The following ATP8A2 variants were observed in gnomAD, a reference collection of about 807,000 sequenced individuals.
ATP8A2 encodes ATPase phospholipid transporting 8A2, also known as phospholipid-transporting ATPase IB.
A neutral mutation model predicts 165.6 loss-of-function variants in ATP8A2; 100 were observed. The ratio of observed to expected loss-of-function variants is 0.60; its 90% CI spans 0.51 to 0.71. ATP8A2 has a LOEUF of 0.71. Among genes scored for constraint, ATP8A2 ranks in the 30% least tolerant of loss-of-function variants. The pLI, the probability that ATP8A2 is intolerant of heterozygous loss-of-function variation, is 0.00. For synonymous variants in ATP8A2, 543 were observed against 548.8 expected, an observed-to-expected ratio of 0.99 and a Z score of 0.15; for missense variants, 1,227 against 1,479.5, an observed-to-expected ratio of 0.83 and a Z score of 2.80.
At chr13:25,413,159 T>C (rs1593273002) in intron 1 of ATP8A2, among the ~76,000 whole-genome samples, 1 of 152,130 alleles carries the variant, frequency 6.6e-6, no homozygotes, top group Non-Finnish European at 1.5e-5. Context: ...AAAACAAAAA[T>C]CTAGCTTTGT....
intron 1 of ATP8A2, among the ~76,000 whole-genome samples, chr13:25,421,818 C>T (rs2034308304): frequency 6.6e-6 from 1 of 152,202 alleles, no homozygotes; most frequent in Non-Finnish European, 1.5e-5. Context: ...GATGAAGCAA[C>T]CGTGTGTATG....
At chr13:25,469,778 A>G (rs1187015121) in intron 2 of ATP8A2, among the ~76,000 whole-genome samples, 4 of 152,252 alleles carry the variant, frequency 2.6e-5, no homozygotes, top group Admixed American at 1.3e-4. Context: ...ACCTATAGTC[A>G]TACAGCTCCT....
chr13:25,742,996 C>T (rs1028701481), intron 25 of ATP8A2, among the ~76,000 whole-genome samples: 3 of 152,010 alleles, frequency 2.0e-5, no homozygotes, highest in Non-Finnish European at 4.4e-5. Context: ...TGTATTGTGT[C>T]CACCCAAAAT....
intron 24 of ATP8A2, among the ~76,000 whole-genome samples, chr13:25,608,131 G>A (rs1336884539): frequency 6.6e-6 from 1 of 152,138 alleles, no homozygotes; most frequent in African/African-American, 2.4e-5. Context: ...ATGGTTCTGG[G>A]ACTATACAAG....
At chr13:25,603,081 A>G (rs932218444) in intron 24 of ATP8A2, among the ~76,000 whole-genome samples, 2 of 152,146 alleles carry the variant, frequency 1.3e-5, no homozygotes, top group Non-Finnish European at 2.9e-5. Context: ...CTAAATAAAT[A>G]AATAAGTAAA....
chr13:25,699,300 G>A lies in ATP8A2; in HGVS notation c.2339G>A (p.Ser780Asn). ...KYALSFEVRR[S>N]FLDLALSCKA... ...GCGCTCTCCTTCGAAGTCCGGAGGA[G>A]TTTCCTGGATTTGGCACTCTCGTGC... is the stretch of plus-strand genomic sequence containing the variant. Residue 780 changes from serine to asparagine, a missense_variant, in exon 25 of 37, where the codon AGT becomes AAT. Transcript: ENST00000381655. The A allele has an allele frequency of 6.2e-7, 1 of 1,613,692 alleles. No homozygotes were observed. The highest frequency in any genetic ancestry group is 8.5e-7 in the Non-Finnish European group (1 of 1,179,794).
At chr13:25,510,850 A>G (rs535324059) in intron 2 of ATP8A2, among the ~76,000 whole-genome samples, 14 of 152,326 alleles carry the variant, frequency 9.2e-5, no homozygotes, top group Middle Eastern at 3.4e-3. Flanking sequence ...TTATATCTGG[A>G]TACTACTTTT....
intron 33 of ATP8A2, among the ~76,000 whole-genome samples, chr13:25,959,287 T>A (rs573306064): frequency 1.8e-4 from 27 of 152,206 alleles, no homozygotes; most frequent in African/African-American, 6.0e-4. Flanking sequence ...CAAAGAGATA[T>A]GACAATACAA....
chr13:25,901,864 T>C (rs923880798), intron 33 of ATP8A2, among the ~76,000 whole-genome samples: 2 of 152,252 alleles, frequency 1.3e-5, no homozygotes, highest in African/African-American at 4.8e-5. Context: ...AGATCCTCAC[T>C]GCATGCCCAA....
intron 25 of ATP8A2, among the ~76,000 whole-genome samples, chr13:25,731,354 AAAGAGAGAG>A (rs2043636853): frequency 6.6e-6 from 1 of 151,272 alleles, no homozygotes; most frequent in Non-Finnish European, 1.5e-5. Context: ...AGAAAGAAGG[AAAGAGAGAG>A]AGGAAGGAAG....
intron 1 of ATP8A2, among the ~76,000 whole-genome samples, chr13:25,464,378 C>T (rs1205154247): frequency 6.6e-6 from 1 of 151,008 alleles, no homozygotes; most frequent in Admixed American, 6.6e-5. Context: ...ACCCAAACCC[C>T]CTAATGCAGC....
At chr13:25,920,528 G>A (rs1006273334) in intron 33 of ATP8A2, among the ~76,000 whole-genome samples, 36 of 152,234 alleles carry the variant, frequency 2.4e-4, no homozygotes, top group African/African-American at 7.5e-4. Context: ...AGCTCACAGA[G>A]CCAAAAGCCG....
chr13:25,629,143 T>C (rs953437395), intron 24 of ATP8A2, among the ~76,000 whole-genome samples: 2 of 152,152 alleles, frequency 1.3e-5, no homozygotes. Context: ...AAACCAGCAT[T>C]GTACCCTGCT....
chr13:25,952,678 C>G (rs1357854493), intron 33 of ATP8A2, among the ~76,000 whole-genome samples: 4 of 152,116 alleles, frequency 2.6e-5, no homozygotes, highest in Non-Finnish European at 5.9e-5. Context: ...AGCCAGTTTT[C>G]TTTTCTGTTG....
At chr13:25,904,517 C>G (rs59251565) in intron 33 of ATP8A2, among the ~76,000 whole-genome samples, 6 of 152,202 alleles carry the variant, frequency 3.9e-5, no homozygotes, top group African/African-American at 1.4e-4. Flanking sequence ...TCCTGCCTGC[C>G]GGAAGCGCTG....
At chr13:25,893,639 A>G (rs1378938414) in intron 33 of ATP8A2, among the ~76,000 whole-genome samples, 2 of 152,136 alleles carry the variant, frequency 1.3e-5, no homozygotes, top group African/African-American at 2.4e-5. Context: ...AACTTCCACA[A>G]TGGTTGAACT....
chr13:25,476,621 C>T lies in ATP8A2; in HGVS notation c.221+7500C>T, dbSNP rs566031316. ...TAACTTTTTTGGTTTATGTAAAGAT[C>T]ATTATCTTAAAAACCAAGGTTATGT... is the stretch of plus-strand genomic sequence containing the variant. On this transcript the variant is annotated intron_variant, in intron 2 of 36. Coordinates refer to ENST00000381655, the MANE Select transcript of ATP8A2 (RefSeq NM_016529.6). Among the ~76,000 whole-genome samples, 49 of 152,272 alleles carry T rather than the reference C, an allele frequency of 3.2e-4. 1 individual carries two copies. The South Asian group carries it at 1.0e-2, about 31-fold the overall frequency.
chr13:25,826,742 A>G (rs1423212309), intron 27 of ATP8A2, among the ~76,000 whole-genome samples: 2 of 152,196 alleles, frequency 1.3e-5, no homozygotes, highest in Non-Finnish European at 2.9e-5. Flanking sequence ...AGACTCTCAT[A>G]TCTCATATAA....
rs1174243477 is a variant in ATP8A2, at chr13:25,465,663, TTTTCTTTCTTTCTTTCTTTC to T, written c.77-3257_77-3238del. Among the ~76,000 whole-genome samples, 307 of 86,444 alleles carry T rather than the reference TTTTCTTTCTTTCTTTCTTTC, an allele frequency of 3.6e-3. 7 individuals are homozygous for T. Among genetic ancestry groups the T allele is most frequent in the African/African-American group, 0.013 (285 of 21,556 alleles). The allele number at this position is 86,444 out of a possible 152,430, so 56.7% of individuals were successfully genotyped here. ...TCACCTCCCCAGAAATCTTGCAGAG[TTTTCTTTCTTTCTTTCTTTC>T]TTTCTTTCTTTCTTTCTTTCTTTCT... is the stretch of plus-strand genomic sequence containing the variant. On this transcript the variant is annotated intron_variant, in intron 1 of 36. Transcript: ENST00000381655.
Sources: allele counts gnomAD v4.1 joint callset (sites outside exome capture counted in the v4.1 genomes callset), GRCh38; gene constraint gnomAD v4.1.1; transcripts MANE v1.5; gene names NCBI Gene and HGNC (gene_info 2026-07-23, HGNC 2026-07-21).